The following SGK1 variants were observed in gnomAD, a reference collection of about 807,000 sequenced individuals.
SGK1 encodes the protein serine/threonine-protein kinase Sgk1.
SGK1 carries 26 observed loss-of-function variants against 64.2 expected under a neutral mutation model. That is an observed-to-expected ratio of 0.40 (90% CI 0.30 to 0.56). The LOEUF (loss-of-function observed/expected upper bound fraction) is 0.56, where lower values mean the gene tolerates loss of function less well. Among genes scored for constraint, SGK1 ranks in the 20% least tolerant of loss-of-function variants. The pLI is 0.38. For synonymous variants in SGK1, 265 were observed against 239.7 expected (o/e 1.11, Z -0.98); for missense variants, 519 against 645.6 (o/e 0.80, Z 2.12).
chr6:134,271,664 T>C (rs887219990), intron 1 of SGK1, among the ~76,000 whole-genome samples: 2 of 147,512 alleles, frequency 1.4e-5, no homozygotes, highest in Non-Finnish European at 3.0e-5. Context: ...GTTACACAGG[T>C]AAGCTCATGA....
intron 2 of SGK1, among the ~76,000 whole-genome samples, chr6:134,242,359 G>A (rs1198403686): frequency 6.6e-6 from 1 of 152,088 alleles, no homozygotes; most frequent in Non-Finnish European, 1.5e-5. Context: ...GGTGGCACGT[G>A]CCTGTAATCC....
intron 1 of SGK1, among the ~76,000 whole-genome samples, chr6:134,299,501 T>C (rs1274150478): frequency 6.6e-6 from 1 of 152,140 alleles, no homozygotes; most frequent in Non-Finnish European, 1.5e-5. Flanking sequence ...AAAACAAGCT[T>C]CCTGAGAGAT....
intron 2 of SGK1, among the ~76,000 whole-genome samples, chr6:134,244,547 C>G (rs1490794408): frequency 6.6e-6 from 1 of 152,176 alleles, no homozygotes; most frequent in East Asian, 1.9e-4. Context: ...TCCCTCATGG[C>G]TTCCCTTGGC....
chr6:134,236,951 A>C (rs1401953089), intron 2 of SGK1, among the ~76,000 whole-genome samples: 1 of 152,166 alleles, frequency 6.6e-6, no homozygotes, highest in Non-Finnish European at 1.5e-5. Flanking sequence ...CCAAACATCA[A>C]AACATCCACA....
At chr6:134,207,458 GAT>G (rs1562251028) in intron 2 of SGK1, 27 bp from the exon 3 acceptor site, 3 of 1,530,352 alleles carry the variant, frequency 2.0e-6, no homozygotes, top group African/African-American at 1.4e-5. Flanking sequence ...GAAAAGAAGT[GAT>G]ATAAAAATGG....
intron 3 of SGK1, among the ~76,000 whole-genome samples, chr6:134,205,456 C>G (rs1190007682): frequency 6.6e-6 from 1 of 150,846 alleles, no homozygotes; most frequent in Non-Finnish European, 1.5e-5. Flanking sequence ...CAGAAAGTTT[C>G]TCACTTTCCT....
chr6:134,193,264 G>T (rs1470036976), intron 3 of SGK1, among the ~76,000 whole-genome samples: 1 of 152,094 alleles, frequency 6.6e-6, no homozygotes, highest in African/African-American at 2.4e-5. Context: ...CACTAAAAAT[G>T]GTAGCTAGGT....
At chr6:134,280,698 G>T (rs145430529) in intron 1 of SGK1, among the ~76,000 whole-genome samples, 1 of 152,266 alleles carries the variant, frequency 6.6e-6, no homozygotes, top group African/African-American at 2.4e-5. Context: ...TATCTTGCAT[G>T]CATGACACTG....
chr6:134,214,502 A>T, intron 2 of SGK1, among the ~76,000 whole-genome samples: 1 of 152,050 alleles, frequency 6.6e-6, no homozygotes, highest in East Asian at 1.9e-4. Context: ...GAGGCAGGAG[A>T]ATCCCTTGAA....
intron 2 of SGK1, among the ~76,000 whole-genome samples, chr6:134,211,978 T>C (rs1621042): frequency 0.61 from 93,137 of 151,888 alleles, 31,172 homozygotes; most frequent in South Asian, 0.84. Flanking sequence ...ACTACTTCAA[T>C]TGTTAGAAAG....
At chr6:134,267,993 T>A (rs900011591) in intron 1 of SGK1, among the ~76,000 whole-genome samples, 14 of 152,206 alleles carry the variant, frequency 9.2e-5, no homozygotes, top group African/African-American at 3.4e-4. Context: ...GCCTCACAAG[T>A]GATTTTTACA....
Position 134,173,162 on chromosome 6 carries a change from A to G in SGK1, c.703-8T>C, listed in dbSNP as rs1562237828. On this transcript the variant is annotated splice_polypyrimidine_tract_variant and splice_region_variant and intron_variant, in intron 7 of 13. Coordinates refer to ENST00000367858, the MANE Select transcript of SGK1 (RefSeq NM_001143676.3). Reference sequence around the variant, plus strand: ...CGACATAATATGCTTCTCCTAGGAAAATGACGATTCAGATTTAGTGGCATG... The same window carrying G: ...CGACATAATATGCTTCTCCTAGGAAGATGACGATTCAGATTTAGTGGCATG... The G allele has an allele frequency of 6.2e-7, 1 of 1,611,650 alleles. No homozygotes were observed.
intron 1 of SGK1, among the ~76,000 whole-genome samples, chr6:134,284,695 T>G (rs6934775): frequency 0.23 from 34,996 of 151,842 alleles, 4,383 homozygotes; most frequent in African/African-American, 0.3. Flanking sequence ...AACAGGCCAG[T>G]TTGGTCTCTA....
chr6:134,187,561 G>A lies in SGK1; in HGVS notation c.362-12975C>T, dbSNP rs566990398. Among the ~76,000 whole-genome samples, 14 of 152,232 alleles carry A rather than the reference G, an allele frequency of 9.2e-5. 1 individual carries two copies. Among genetic ancestry groups the A allele is most frequent in the African/African-American group, 3.4e-4 (14 of 41,536 alleles). ...CCAGCCATGCAAAAAAATCATCACC[G>A]TAACTTCAAAAGGCCATTACACCAT... is the stretch of plus-strand genomic sequence containing the variant. On this transcript the variant is annotated intron_variant, in intron 3 of 13. Coordinates refer to ENST00000367858, the MANE Select transcript of SGK1 (RefSeq NM_001143676.3).
At chr6:134,206,073 G>T (rs914006250) in intron 3 of SGK1, among the ~76,000 whole-genome samples, 3 of 151,806 alleles carry the variant, frequency 2.0e-5, no homozygotes, top group Non-Finnish European at 4.4e-5. Flanking sequence ...CATATTCTCC[G>T]ATCTCATAAA....
At chr6:134,309,857 T>C (rs897895883) in intron 1 of SGK1, among the ~76,000 whole-genome samples, 5 of 152,172 alleles carry the variant, frequency 3.3e-5, no homozygotes, top group African/African-American at 1.2e-4. Flanking sequence ...ATATTTACCT[T>C]TATTTTTGGA....
chr6:134,170,134 A>T lies in SGK1; in HGVS notation c.*134T>A, dbSNP rs1160552175. The stretch of plus-strand genomic sequence containing the variant: ...AAAAGCTTCCAGCGAACAGTGTGCA[A>T]TAAGATTGCTAAGCTTCCAGAGATG... On this transcript the variant is annotated 3_prime_UTR_variant, in exon 14 of 14. Coordinates refer to ENST00000367858, the MANE Select transcript of SGK1 (RefSeq NM_001143676.3). The T allele has an allele frequency of 1.4e-6, 1 of 700,276 alleles. No individual in the cohort carries two copies. The highest frequency in any genetic ancestry group is 2.4e-6 in the Non-Finnish European group (1 of 424,712). 43.4% of individuals were successfully genotyped at this position (700,276 alleles called of 1,614,324 possible).
intron 3 of SGK1, among the ~76,000 whole-genome samples, chr6:134,201,493 C>T (rs1331665475): frequency 6.6e-6 from 1 of 152,122 alleles, no homozygotes; most frequent in Non-Finnish European, 1.5e-5. Context: ...TCCTGAGTAG[C>T]TGGGATTACA....
rs752250867 is a variant in SGK1 at position 134,242,213 on chromosome 6, C to T, written c.285+19720G>A. On this transcript the variant is annotated intron_variant, in intron 2 of 13. Transcript: ENST00000367858. ...TTGAAATTAGGAATAAGGCTGGGCG[C>T]GGTGGCTCACGCCTGTAATCCCAGC... Among the ~76,000 whole-genome samples, 12 of 152,042 alleles carry T rather than the reference C, an allele frequency of 7.9e-5. 1 individual carries two copies. In the South Asian group the frequency reaches 1.0e-3, roughly 13 times the overall value.
Sources: allele counts gnomAD v4.1 joint callset (sites outside exome capture counted in the v4.1 genomes callset), GRCh38; gene constraint gnomAD v4.1.1; transcripts MANE v1.5; gene names NCBI Gene and HGNC (gene_info 2026-07-23, HGNC 2026-07-21).